SPAG9: variants seen among roughly 807,000 people sequenced by gnomAD.
SPAG9 encodes the protein C-Jun-amino-terminal kinase-interacting protein 4.
In SPAG9, 35 loss-of-function variants were observed where a neutral mutation model predicts 166.5. The ratio of observed to expected loss-of-function variants is 0.21; its 90% confidence interval spans 0.16 to 0.28. The LOEUF (loss-of-function observed/expected upper bound fraction) is 0.28. Among genes scored for constraint, SPAG9 ranks in the 10% least tolerant of loss-of-function variants. The pLI is 1.00. For missense variants in SPAG9, 1,235 were observed against 1,603.3 expected, an observed-to-expected ratio of 0.77 and a Z score of 3.92; for synonymous variants, 534 against 565.5, an observed-to-expected ratio of 0.94 and a Z score of 0.79.
At chr17:51,038,567 A>G (rs960150894) in intron 5 of SPAG9, among the ~76,000 whole-genome samples, 3 of 152,206 alleles carry the variant, frequency 2.0e-5, no homozygotes, top group African/African-American at 4.8e-5. Context: ...TGCAGTAGGT[A>G]GGACTGAAAG....
intron 9 of SPAG9, among the ~76,000 whole-genome samples, chr17:51,013,614 T>C (rs945585417): frequency 6.6e-6 from 1 of 152,186 alleles, no homozygotes; most frequent in African/African-American, 2.4e-5. Flanking sequence ...TCCTTCATTT[T>C]ACACACAAAG....
intron 24 of SPAG9, among the ~76,000 whole-genome samples, chr17:50,984,631 A>G (rs1203677648): frequency 6.6e-6 from 1 of 152,172 alleles, no homozygotes; most frequent in East Asian, 1.9e-4. Context: ...GCTTGCAGTG[A>G]GCTGAGATTG....
chr17:50,995,467 C>G lies in SPAG9; in HGVS notation c.2035G>C (p.Asp679His), dbSNP rs2044635328. Residue 679 changes from aspartate (D) to histidine (H), a missense_variant, in exon 17 of 30, where the codon GAT becomes CAT. Transcript: ENST00000262013. ...LPVPVYLRPL[D>H]EKDTSMKLWC... ...ACCTTCATTGATGTATCTTTTTCAT[C>G]CAGAGGTCTGAGATAGACAGGCACA... 1 of 1,608,902 alleles carries G rather than the reference C, an allele frequency of 6.2e-7. No homozygotes were observed. Among genetic ancestry groups the G allele is most frequent in the Non-Finnish European group, 8.5e-7 (1 of 1,175,658 alleles).
intron 1 of SPAG9, among the ~76,000 whole-genome samples, chr17:51,117,520 G>A (rs1481697107): frequency 6.6e-6 from 1 of 151,662 alleles, no homozygotes; most frequent in Non-Finnish European, 1.5e-5. Context: ...GACTATCCTG[G>A]CTAAAATGGT....
chr17:51,038,752 C>A (rs545152222), intron 5 of SPAG9, among the ~76,000 whole-genome samples: 1 of 152,136 alleles, frequency 6.6e-6, no homozygotes, highest in South Asian at 2.1e-4. Context: ...TTCTCTCATA[C>A]CCTAAAATGA....
chr17:51,079,672 C>T lies in SPAG9; in HGVS notation c.336G>A (p.Gln112=). The change falls in exon 2 of 30, where the codon CAG becomes CAA. Residue 112 remains glutamine, a synonymous_variant. Coordinates refer to ENST00000262013, the MANE Select transcript of SPAG9 (RefSeq NM_001130528.3). ...CTCGGGTCTGTAAGTCCTTTTTTTC[C>T]TGTTCTTGAGAGTCTTCAAATTCAA... The part of the protein sequence containing the change: ...KFIEFEDSQE[Q]EKKDLQTRVE... 6.3e-7 allele frequency: 1 copy of T among 1,593,500 alleles called. No homozygotes were observed. The highest frequency in any genetic ancestry group is 1.7e-5 in the Admixed American group (1 of 59,932).
At chr17:50,991,493 CTT>C (rs1389975185) in intron 19 of SPAG9, among the ~76,000 whole-genome samples, 1 of 151,834 alleles carries the variant, frequency 6.6e-6, no homozygotes, top group Non-Finnish European at 1.5e-5. Flanking sequence ...ACACTAAAAA[CTT>C]TTATTGCAGT....
chr17:51,096,006 G>GATATATATATAGTGAT (rs1555659815), intron 1 of SPAG9, among the ~76,000 whole-genome samples: 53 of 88,578 alleles, frequency 6.0e-4, no homozygotes, highest in African/African-American at 1.7e-3. Flanking sequence ...TATATATAGT[G>GATATATATATAGTGAT]ATATATATAT....
intron 2 of SPAG9, among the ~76,000 whole-genome samples, chr17:51,074,703 G>A (rs2047917825): frequency 1.3e-5 from 2 of 152,162 alleles, no homozygotes; most frequent in South Asian, 4.1e-4. Context: ...ATTTTTAAAT[G>A]ATCTCATTTT....
At chr17:50,998,022 ATTT>A (rs563896612) in intron 15 of SPAG9, among the ~76,000 whole-genome samples, 7 of 90,796 alleles carry the variant, frequency 7.7e-5, no homozygotes, top group Non-Finnish European at 6.6e-5. Flanking sequence ...TACAGAAATG[ATTT>A]TTTTTTTTTT....
intron 21 of SPAG9, among the ~76,000 whole-genome samples, chr17:50,988,213 C>G (rs372725523): frequency 1.6e-3 from 238 of 150,774 alleles, no homozygotes; most frequent in African/African-American, 5.6e-3. Context: ...GAGATTCCAT[C>G]TCCAAAAAAA....
At chr17:51,075,191 A>G (rs1402827921) in intron 2 of SPAG9, among the ~76,000 whole-genome samples, 3 of 110,296 alleles carry the variant, frequency 2.7e-5, no homozygotes, top group Admixed American at 1.1e-4. Context: ...GCCAGACTCC[A>G]TCTCAAAAAA....
intron 2 of SPAG9, among the ~76,000 whole-genome samples, chr17:51,071,054 C>T (rs975699514): frequency 6.6e-6 from 1 of 152,050 alleles, no homozygotes; most frequent in African/African-American, 2.4e-5. Flanking sequence ...AGGCCATACG[C>T]ATAATCTTCC....
At chr17:50,972,754 A>G (rs1973923259) in intron 28 of SPAG9, among the ~76,000 whole-genome samples, 1 of 152,234 alleles carries the variant, frequency 6.6e-6, no homozygotes, top group East Asian at 1.9e-4. Flanking sequence ...TTCATGCATT[A>G]CTCAATTATA....
chr17:50,984,531 A>G (rs1974884231), intron 24 of SPAG9, among the ~76,000 whole-genome samples: 2 of 152,078 alleles, frequency 1.3e-5, no homozygotes, highest in African/African-American at 2.4e-5. Context: ...CTGAAAATAC[A>G]AAAAAATTAG....
chr17:51,027,975 G>A (rs568525280), intron 6 of SPAG9, among the ~76,000 whole-genome samples: 3 of 151,996 alleles, frequency 2.0e-5, no homozygotes, highest in Non-Finnish European at 2.9e-5. Context: ...ATGTGGAGGT[G>A]GAAGATACTG....
intron 4 of SPAG9, chr17:51,046,725 CT>C: frequency 6.5e-7 from 1 of 1,535,860 alleles, no homozygotes; most frequent in African/African-American, 1.4e-5. Flanking sequence ...AAAGGGGTAT[CT>C]TTGTAGTGAG....
chr17:51,105,262 A>G (rs1598190729), intron 1 of SPAG9, among the ~76,000 whole-genome samples: 1 of 152,304 alleles, frequency 6.6e-6, no homozygotes, highest in East Asian at 1.9e-4. Flanking sequence ...AATCCACAGA[A>G]TGGTCACGTA....
chr17:51,091,273 C>CAA (rs77408635), intron 1 of SPAG9, among the ~76,000 whole-genome samples: 33 of 49,154 alleles, frequency 6.7e-4, no homozygotes, highest in African/African-American at 1.1e-3. Context: ...ACCCTGTATA[C>CAA]AAAAAAAAAA....
Sources: allele counts gnomAD v4.1 joint callset (sites outside exome capture counted in the v4.1 genomes callset), GRCh38; gene constraint gnomAD v4.1.1; transcripts MANE v1.5; gene names NCBI Gene and HGNC (gene_info 2026-07-23, HGNC 2026-07-21).